EFCAB6: variants seen among roughly 807,000 people sequenced by gnomAD.
EFCAB6 encodes EF-hand calcium binding domain 6.
A neutral mutation model predicts 169.8 loss-of-function variants in EFCAB6; 156 were observed. The ratio of observed to expected loss-of-function variants is 0.92; its 90% CI spans 0.81 to 1.05. The LOEUF is 1.05. Ranked by LOEUF, EFCAB6 falls within the 50% of genes least tolerant of loss-of-function variation. The pLI is 0.00. For synonymous variants in EFCAB6, 698 were observed against 676.4 expected (o/e 1.03, Z -0.50); for missense variants, 1,800 against 1,829.1 (o/e 0.98, Z 0.29).
intron 10 of EFCAB6, among the ~76,000 whole-genome samples, chr22:43,695,260 A>G (rs1035620829): frequency 3.3e-5 from 5 of 152,096 alleles, no homozygotes; most frequent in African/African-American, 1.2e-4. Flanking sequence ...AGTTTCATCA[A>G]AAAACAAAAA....
At chr22:43,596,818 G>C (rs1017596697) in intron 23 of EFCAB6, among the ~76,000 whole-genome samples, 6 of 152,062 alleles carry the variant, frequency 3.9e-5, no homozygotes, top group Non-Finnish European at 7.4e-5. Flanking sequence ...AAAGAACAAA[G>C]CTAGAGGCAT....
chr22:43,748,812 A>G (rs985842445), intron 6 of EFCAB6, among the ~76,000 whole-genome samples: 13 of 152,314 alleles, frequency 8.5e-5, no homozygotes, highest in African/African-American at 3.1e-4. Flanking sequence ...ACATCTCACT[A>G]GAGAGCTCTC....
In EFCAB6 at chr22:43,652,040, T is replaced by C. The variant is rs2056496828; in HGVS notation, c.1983+15064A>G. The stretch of plus-strand genomic sequence containing the variant: ...ACTTTTGAGTTAATGCTGAAATGAG[T>C]TAAGACTTTGGGGGACTATTGGGAA... On this transcript the variant is annotated intron_variant, in intron 17 of 31. Transcript: ENST00000262726. Among the ~76,000 whole-genome samples, 3 of 152,210 alleles carry C rather than the reference T, an allele frequency of 2.0e-5. No individual in the cohort carries two copies. In the South Asian group the frequency reaches 6.2e-4, roughly 32 times the overall value.
At position 43,628,480 on chromosome 22, in the gene EFCAB6, G is replaced by A. The variant is rs996765348; in HGVS notation, c.2233-1801C>T. Reference sequence around the variant, plus strand: ...GCCTCTGCTCTGTGCAATCGCTCCCGAGCGATCCCTTACAGCTGACGTCAT... The same window carrying A: ...GCCTCTGCTCTGTGCAATCGCTCCCAAGCGATCCCTTACAGCTGACGTCAT... On this transcript the variant is annotated intron_variant, in intron 19 of 31. Coordinates refer to ENST00000262726, the MANE Select transcript of EFCAB6 (RefSeq NM_022785.4). This position sits in a 1 kb window ranked among gnomAD's most constrained non-coding sequence, Gnocchi z 4.8. Among the ~76,000 whole-genome samples the A allele has an allele frequency of 1.3e-5, 2 of 152,074 alleles. No individual in the cohort carries two copies. The highest frequency in any genetic ancestry group is 2.9e-5 in the Non-Finnish European group (2 of 68,012).
At chr22:43,682,634 A>G (rs2058049320) in intron 12 of EFCAB6, among the ~76,000 whole-genome samples, 1 of 152,112 alleles carries the variant, frequency 6.6e-6, no homozygotes, top group Non-Finnish European at 1.5e-5. Flanking sequence ...CAAAACCACT[A>G]TCTGGGTAGC....
At chr22:43,778,287 C>G (rs56373605) in intron 3 of EFCAB6, among the ~76,000 whole-genome samples, 1,884 of 152,302 alleles carry the variant, frequency 0.012, 22 homozygotes, top group Non-Finnish European at 0.017. Flanking sequence ...GGGCCTTCCC[C>G]CAGTGCAGGT....
intron 26 of EFCAB6, among the ~76,000 whole-genome samples, chr22:43,561,299 G>T (rs2049017423): frequency 6.6e-6 from 1 of 151,642 alleles, no homozygotes; most frequent in Admixed American, 6.6e-5. Flanking sequence ...AGAGGTTGCA[G>T]TGAGCCGAGA....
chr22:43,759,342 A>C (rs1200008585), intron 5 of EFCAB6: 1 of 152,206 alleles, frequency 6.6e-6, no homozygotes. Flanking sequence ...ACTCTCAGTA[A>C]GTCTTCTTGT....
At chr22:43,571,446 T>G (rs552168121) in intron 26 of EFCAB6, among the ~76,000 whole-genome samples, 59 of 152,322 alleles carry the variant, frequency 3.9e-4, no homozygotes, top group African/African-American at 1.4e-3. Context: ...GTATCATATT[T>G]AATGAGCTTA....
intron 17 of EFCAB6, among the ~76,000 whole-genome samples, chr22:43,638,868 C>T (rs1159806190): frequency 1.3e-5 from 2 of 150,972 alleles, no homozygotes; most frequent in Non-Finnish European, 2.9e-5. Flanking sequence ...TCACCGCAAC[C>T]TCTGCCTCCC....
chr22:43,800,779 C>G (rs1488229485), intron 2 of EFCAB6, among the ~76,000 whole-genome samples: 1 of 151,552 alleles, frequency 6.6e-6, no homozygotes, highest in African/African-American at 2.4e-5. Flanking sequence ...AAAACACACT[C>G]AGAGGAGAAA....
chr22:43,570,710 T>C (rs1037573726), intron 26 of EFCAB6, among the ~76,000 whole-genome samples: 1 of 152,068 alleles, frequency 6.6e-6, no homozygotes, highest in Admixed American at 6.5e-5. Context: ...AGGCCAGTGC[T>C]TCTCATCTTG....
At chr22:43,631,551 C>T (rs900278213) in intron 19 of EFCAB6, among the ~76,000 whole-genome samples, 2 of 152,020 alleles carry the variant, frequency 1.3e-5, no homozygotes, top group African/African-American at 4.8e-5. Context: ...GCCACCTCCT[C>T]CAGGGAGTCC....
chr22:43,555,240 T>G, intron 26 of EFCAB6, 144 bp from the exon 27 acceptor site: 1 of 811,280 alleles, frequency 1.2e-6, no homozygotes, highest in Non-Finnish European at 1.9e-6. Flanking sequence ...TGGAGGTGGG[T>G]TCAGGCAGCC....
At chr22:43,545,432 A>G (rs962662967) in intron 27 of EFCAB6, among the ~76,000 whole-genome samples, 2 of 152,222 alleles carry the variant, frequency 1.3e-5, no homozygotes, top group Non-Finnish European at 2.9e-5. Context: ...TTTTAAAAAC[A>G]TATATTTAAA....
intron 7 of EFCAB6, among the ~76,000 whole-genome samples, chr22:43,732,554 A>G (rs1339807537): frequency 7.5e-6 from 1 of 132,966 alleles, no homozygotes; most frequent in Non-Finnish European, 1.5e-5. Flanking sequence ...TGCAACCTCC[A>G]CCTCCCAGTT....
intron 17 of EFCAB6, among the ~76,000 whole-genome samples, chr22:43,649,962 G>T (rs1267455132): frequency 6.6e-6 from 1 of 152,200 alleles, no homozygotes. Flanking sequence ...TGACTGGATT[G>T]CTAGTGAGAA....
chr22:43,704,919 T>C (rs183294219), intron 10 of EFCAB6, among the ~76,000 whole-genome samples: 24 of 152,192 alleles, frequency 1.6e-4, no homozygotes, highest in Middle Eastern at 3.4e-3. Context: ...TTACTATGGA[T>C]GTAAATGGAT....
intron 17 of EFCAB6, among the ~76,000 whole-genome samples, chr22:43,656,108 G>T (rs1487353585): frequency 6.6e-6 from 1 of 152,106 alleles, no homozygotes; most frequent in African/African-American, 2.4e-5. Context: ...ATGTGGTAAG[G>T]GGCCGGGTGC....
Sources: allele counts gnomAD v4.1 joint callset (sites outside exome capture counted in the v4.1 genomes callset), GRCh38; gene constraint gnomAD v4.1.1; non-coding constraint Gnocchi (gnomAD v3.1); transcripts MANE v1.5; gene names NCBI Gene and HGNC (gene_info 2026-07-23, HGNC 2026-07-21).